FARS2: variants seen among roughly 807,000 people sequenced by gnomAD.
FARS2 encodes the protein phenylalanyl-tRNA synthetase 2, mitochondrial.
A neutral mutation model predicts 46.4 loss-of-function variants in FARS2; 40 were observed. The ratio of observed to expected loss-of-function variants is 0.86; its 90% confidence interval spans 0.67 to 1.12. The LOEUF is 1.12. FARS2 is among the 50% of genes most tolerant of loss of function. The probability of loss-of-function intolerance (pLI) is 0.00; values close to 1 mark genes in which losing one functional copy is unlikely to be tolerated. For missense variants in FARS2, 513 were observed against 567.9 expected (o/e 0.90, Z 0.98); for synonymous variants, 234 against 214.9 (o/e 1.09, Z -0.78).
intron 4 of FARS2, among the ~76,000 whole-genome samples, chr6:5,486,913 T>C (rs1474652900): frequency 6.6e-6 from 1 of 152,198 alleles, no homozygotes; most frequent in East Asian, 1.9e-4. Context: ...CTCAAATGAA[T>C]CTTTGATCAG....
rs1379897272 is a variant in FARS2, at chr6:5,750,217, C to G, written c.1218-21074C>G. On this transcript the variant is annotated intron_variant, in intron 6 of 6. Transcript: ENST00000274680. Reference sequence around the variant, plus strand: ...CAGGGAAATCTTTTCCAGGGAGGACCTTCCAAGCAGAAACCTGAGGAATGA... The same window carrying G: ...CAGGGAAATCTTTTCCAGGGAGGACGTTCCAAGCAGAAACCTGAGGAATGA... Among the ~76,000 whole-genome samples, 3 of 152,016 alleles carry G rather than the reference C, an allele frequency of 2.0e-5. No homozygotes were observed. The South Asian group carries it at 6.3e-4, about 32-fold the overall frequency.
chr6:5,732,474 C>A (rs76054439), intron 6 of FARS2, among the ~76,000 whole-genome samples: 4,179 of 152,250 alleles, frequency 0.027, 185 homozygotes, highest in African/African-American at 0.095. Flanking sequence ...TCCCTTCTGA[C>A]CCGTTCCCCC....
At chr6:5,622,990 T>C (rs1775850958) in intron 6 of FARS2, among the ~76,000 whole-genome samples, 1 of 152,156 alleles carries the variant, frequency 6.6e-6, no homozygotes, top group Non-Finnish European at 1.5e-5. Context: ...GTCCACGTAG[T>C]TTAGTGGAAG....
chr6:5,322,529 A>T (rs2753253), intron 1 of FARS2, among the ~76,000 whole-genome samples: 58,244 of 152,032 alleles, frequency 0.38, 11,340 homozygotes, highest in African/African-American at 0.4. Flanking sequence ...CATTGGATGC[A>T]TTAAGTGAGG....
intron 2 of FARS2, among the ~76,000 whole-genome samples, chr6:5,384,864 A>G (rs1760019494): frequency 2.0e-5 from 3 of 152,106 alleles, no homozygotes; most frequent in South Asian, 4.1e-4. Flanking sequence ...ACTGTTTCAC[A>G]TCTCTTCCCA....
intron 4 of FARS2, among the ~76,000 whole-genome samples, chr6:5,501,137 G>C (rs1205441170): frequency 1.3e-5 from 2 of 151,942 alleles, no homozygotes; most frequent in Non-Finnish European, 2.9e-5. Context: ...AACATGATAT[G>C]AATGAACATT....
At chr6:5,277,980 T>A (rs1307120776) in intron 1 of FARS2, among the ~76,000 whole-genome samples, 4 of 152,200 alleles carry the variant, frequency 2.6e-5, no homozygotes, top group African/African-American at 4.8e-5. Flanking sequence ...TCCTGCTCCG[T>A]TTGGACTAGA....
At chr6:5,509,886 G>A (rs193168055) in intron 4 of FARS2, among the ~76,000 whole-genome samples, 47 of 152,278 alleles carry the variant, frequency 3.1e-4, no homozygotes, top group East Asian at 1.2e-3. Flanking sequence ...TATACACATC[G>A]TTTCTGGTTT....
intron 4 of FARS2, among the ~76,000 whole-genome samples, chr6:5,491,636 T>C (rs12211013): frequency 0.14 from 21,097 of 152,156 alleles, 1,950 homozygotes; most frequent in Non-Finnish European, 0.19. Flanking sequence ...GATATGAGCG[T>C]TTCTTCTTCT....
At chr6:5,722,308 C>T (rs1390667154) in intron 6 of FARS2, among the ~76,000 whole-genome samples, 1 of 152,222 alleles carries the variant, frequency 6.6e-6, no homozygotes, top group Admixed American at 6.5e-5. Flanking sequence ...GAGACCCCCA[C>T]AGGTCTGCAG....
intron 4 of FARS2, among the ~76,000 whole-genome samples, chr6:5,457,264 G>A (rs2150288859): frequency 6.6e-6 from 1 of 151,790 alleles, no homozygotes; most frequent in South Asian, 2.1e-4. Context: ...CCACCCCTAT[G>A]GTCAGGGGGC....
At chr6:5,293,456 T>C (rs1767638202) in intron 1 of FARS2, among the ~76,000 whole-genome samples, 1 of 152,122 alleles carries the variant, frequency 6.6e-6, no homozygotes, top group African/African-American at 2.4e-5. Context: ...GAGGGATTAT[T>C]ACTTGACCAT....
In FARS2 at chr6:5,710,882, C is replaced by T. The variant is rs374292925; in HGVS notation, c.1218-60409C>T. The stretch of plus-strand genomic sequence containing the variant: ...GGGAATAGTTTGTGCTCCCAGCAGC[C>T]GCGGGAGGATGAACTTTGGGTATGA... On this transcript the variant is annotated intron_variant, in intron 6 of 6. Transcript: ENST00000274680. Among the ~76,000 whole-genome samples, 28 of 152,212 alleles carry T rather than the reference C, an allele frequency of 1.8e-4. 1 individual carries two copies. The highest frequency in any genetic ancestry group is 5.5e-4 in the African/African-American group (23 of 41,536).
intron 1 of FARS2, among the ~76,000 whole-genome samples, chr6:5,351,849 T>C (rs1405374528): frequency 6.6e-6 from 1 of 152,228 alleles, no homozygotes; most frequent in Non-Finnish European, 1.5e-5. Flanking sequence ...AGCCCCTTAG[T>C]GTTGGACAGT....
chr6:5,703,203 A>T (rs1758547041), intron 6 of FARS2, among the ~76,000 whole-genome samples: 1 of 152,196 alleles, frequency 6.6e-6, no homozygotes, highest in Non-Finnish European at 1.5e-5. Context: ...AGCCACAGGG[A>T]TGGGAGATTT....
chr6:5,694,347 C>A (rs1403615946), intron 6 of FARS2, among the ~76,000 whole-genome samples: 1 of 152,184 alleles, frequency 6.6e-6, no homozygotes, highest in Non-Finnish European at 1.5e-5. Flanking sequence ...TACTGCCACT[C>A]TGAATCAGTT....
At chr6:5,752,146 A>G (rs987749539) in intron 6 of FARS2, among the ~76,000 whole-genome samples, 1 of 152,166 alleles carries the variant, frequency 6.6e-6, no homozygotes, top group Non-Finnish European at 1.5e-5. Context: ...GTCATAACCA[A>G]TACATCAGGG....
chr6:5,632,942 T>C (rs1776366035), intron 6 of FARS2, among the ~76,000 whole-genome samples: 1 of 151,908 alleles, frequency 6.6e-6, no homozygotes, highest in African/African-American at 2.4e-5. Flanking sequence ...AATTCTTTCC[T>C]TCCTTCCATC....
intron 1 of FARS2, among the ~76,000 whole-genome samples, chr6:5,327,755 A>C (rs1240875316): frequency 6.6e-6 from 1 of 152,124 alleles, no homozygotes; most frequent in Non-Finnish European, 1.5e-5. Flanking sequence ...ACTGGAGCTG[A>C]GTTTATCTTT....
Sources: gnomAD v4.1 joint callset for allele counts (sites outside exome capture counted in the v4.1 genomes callset) on GRCh38, gnomAD v4.1.1 for gene constraint, MANE v1.5 for transcripts, NCBI Gene and HGNC (gene_info 2026-07-23, HGNC 2026-07-21) for gene names.